SLC17A6: variants seen among roughly 807,000 people sequenced by gnomAD.
SLC17A6 encodes the protein solute carrier family 17 member 6.
In SLC17A6, 35 loss-of-function variants were observed where a neutral mutation model predicts 67.1. The ratio of observed to expected loss-of-function variants is 0.52; its 90% CI spans 0.40 to 0.69. The LOEUF is 0.69. SLC17A6 is among the 30% of genes least tolerant of loss of function. SLC17A6 has a pLI of 0.00. For missense variants in SLC17A6, 588 were observed against 723.9 expected (o/e 0.81, Z 2.15); for synonymous variants, 285 against 252.3 (o/e 1.13, Z -1.23).
At chr11:22,363,562 T>C (rs1856076083) in intron 6 of SLC17A6, among the ~76,000 whole-genome samples, 1 of 152,214 alleles carries the variant, frequency 6.6e-6, no homozygotes, top group African/African-American at 2.4e-5. Flanking sequence ...ATCTGAAATA[T>C]TAATGAAGTC....
At chr11:22,344,628 G>A (rs979282006) in intron 3 of SLC17A6, among the ~76,000 whole-genome samples, 3 of 152,096 alleles carry the variant, frequency 2.0e-5, no homozygotes, top group Non-Finnish European at 2.9e-5. Flanking sequence ...CTGACACTAA[G>A]AGCAAGTAGT....
In SLC17A6 at chr11:22,341,535, GAGA is replaced by G; in HGVS notation, c.100_102del (p.Lys34del). ...CCCTGCTCTGCCGCGCAGGGTGCTG[GAGA>G]AGAAGCAAGACACCGGGGAGACAAT... On this transcript the variant is annotated inframe_deletion, in exon 2 of 12. Coordinates refer to ENST00000263160, the MANE Select transcript of SLC17A6 (RefSeq NM_020346.3). The G allele has an allele frequency of 6.2e-7, 1 of 1,613,552 alleles. No individual in the cohort carries two copies. Among genetic ancestry groups the G allele is most frequent in the Non-Finnish European group, 8.5e-7 (1 of 1,179,968 alleles).
Position 22,363,232 on chromosome 11 carries a change from G to A in SLC17A6, c.748+407G>A, listed in dbSNP as rs575329858. 5.5e-5 allele frequency among the ~76,000 whole-genome samples: 8 copies of A among 146,784 alleles called. 1 individual carries two copies. Among genetic ancestry groups the A allele is most frequent in the Admixed American group, 5.4e-4 (8 of 14,722 alleles). ...ATTGAATGGGGGTGGAAAGCTGAAAGGGGGGGTGGAAAGCTGAAAGGGGGT... is the reference window on the plus strand; with the variant it reads ...ATTGAATGGGGGTGGAAAGCTGAAAAGGGGGGTGGAAAGCTGAAAGGGGGT... On this transcript the variant is annotated intron_variant, in intron 6 of 11. Coordinates refer to ENST00000263160, the MANE Select transcript of SLC17A6 (RefSeq NM_020346.3).
rs201427124 is a variant in SLC17A6, at chr11:22,360,887, C to G, written c.574-10C>G. The G allele has an allele frequency of 1.2e-6, 2 of 1,612,546 alleles. No homozygotes were observed. Among genetic ancestry groups the G allele is most frequent in the Non-Finnish European group, 1.7e-6 (2 of 1,178,732 alleles). ...ATGGTGACAGTGATGAGTATCTTCCCCCATCACAGGGTGTGACCTACCCAG... is the reference window on the plus strand; with the variant it reads ...ATGGTGACAGTGATGAGTATCTTCCGCCATCACAGGGTGTGACCTACCCAG... On this transcript the variant is annotated splice_polypyrimidine_tract_variant and intron_variant, in intron 4 of 11. Transcript: ENST00000263160.
chr11:22,350,311 A>G (rs1165533002), intron 3 of SLC17A6, among the ~76,000 whole-genome samples: 2 of 152,186 alleles, frequency 1.3e-5, no homozygotes, highest in African/African-American at 4.8e-5. Context: ...CAATGTGCAT[A>G]AAATAATGAC....
At chr11:22,343,811 G>A (rs1855846282) in intron 3 of SLC17A6, among the ~76,000 whole-genome samples, 1 of 152,140 alleles carries the variant, frequency 6.6e-6, no homozygotes, top group Non-Finnish European at 1.5e-5. Context: ...CGAAGACCTG[G>A]CCCCGTCCCC....
At chr11:22,357,438 A>G (rs906236432) in intron 3 of SLC17A6, among the ~76,000 whole-genome samples, 1 of 152,196 alleles carries the variant, frequency 6.6e-6, no homozygotes, top group African/African-American at 2.4e-5. Context: ...TACTGAAGAC[A>G]TTTTTGGTTG....
chr11:22,343,351 G>A lies in SLC17A6; in HGVS notation c.444G>A (p.Arg148=). 6.2e-7 allele frequency: 1 copy of A among 1,610,806 alleles called. No homozygotes were observed. Among genetic ancestry groups the A allele is most frequent in the African/African-American group, 1.3e-5 (1 of 74,758 alleles). The part of the protein sequence containing the change: ...TQIPGGYIAS[R]LAANRVFGAA... Reference sequence around the variant, plus strand: ...TTCCGGGAGGCTACATCGCGTCTCGGCTGGCAGCCAACAGGTAATGCGCCA... The same window carrying A: ...TTCCGGGAGGCTACATCGCGTCTCGACTGGCAGCCAACAGGTAATGCGCCA... The change falls in exon 3 of 12, where the codon CGG becomes CGA. Residue 148 remains arginine, a synonymous_variant. Coordinates refer to ENST00000263160, the MANE Select transcript of SLC17A6 (RefSeq NM_020346.3).
rs923909742 is a variant in SLC17A6, at chr11:22,378,269, A to G, written c.*529A>G. On this transcript the variant is annotated 3_prime_UTR_variant, in exon 12 of 12. Transcript: ENST00000263160. ...TACAAAGTTGTACTGAATAACTATT[A>G]GAATTGCATAATGTGAGATATTTTG... 6.5e-6 allele frequency: 1 copy of G among 153,330 alleles called. No individual in the cohort carries two copies. The highest frequency in any genetic ancestry group is 2.4e-5 in the African/African-American group (1 of 41,506). The allele number at this position is 153,330 out of a possible 1,614,324, so 9.5% of individuals were successfully genotyped here.
chr11:22,350,410 A>T (rs1855925093), intron 3 of SLC17A6, among the ~76,000 whole-genome samples: 1 of 152,184 alleles, frequency 6.6e-6, no homozygotes, highest in African/African-American at 2.4e-5. Flanking sequence ...TAACCTGATA[A>T]TAATCAGCAA....
Position 22,341,760 on chromosome 11 carries a change from G to T in SLC17A6, c.319G>T (p.Gly107Trp). 1.2e-6 allele frequency: 2 copies of T among 1,614,150 alleles called. No individual in the cohort carries two copies. Among genetic ancestry groups the T allele is most frequent in the Non-Finnish European group, 8.5e-7 (1 of 1,180,030 alleles). ...DMVNNSTIHR[G>W]GKVIKEKAKF... ...GGTCAACAACAGCACCATCCACCGC[G>T]GGGGCAAGGTCATCAAGGAGGTGGG... Residue 107 changes from glycine (G) to tryptophan (W), a missense_variant, in exon 2 of 12, where the codon GGG becomes TGG. Coordinates refer to ENST00000263160, the MANE Select transcript of SLC17A6 (RefSeq NM_020346.3).
At chr11:22,360,574 A>G (rs541300089) in intron 4 of SLC17A6, among the ~76,000 whole-genome samples, 8 of 144,628 alleles carry the variant, frequency 5.5e-5, no homozygotes, top group African/African-American at 1.7e-4. Context: ...GAAAAAGACT[A>G]ATAATTTTAA....
intron 3 of SLC17A6, among the ~76,000 whole-genome samples, chr11:22,352,008 C>G (rs1427591220): frequency 4.6e-5 from 7 of 152,062 alleles, no homozygotes; most frequent in Admixed American, 1.3e-4. Context: ...AATGATGAAA[C>G]AAGCATAATA....
rs558163180 is a variant in SLC17A6 at position 22,362,027 on chromosome 11, CT to C, written c.662-701del. 2.2e-3 allele frequency among the ~76,000 whole-genome samples: 318 copies of C among 145,350 alleles called. 2 individuals carry two copies. The highest frequency in any genetic ancestry group is 0.012 in the East Asian group (61 of 4,986). ...CCATTTCTGTCTATATGTCTAAGAC[CT>C]TTTTTTTTTTACAATTGCCTTTAAT... On this transcript the variant is annotated intron_variant, in intron 5 of 11. Transcript: ENST00000263160.
chr11:22,343,495 G>C (rs1375437132), intron 3 of SLC17A6, 130 bp downstream of exon 3: 4 of 675,736 alleles, frequency 5.9e-6, no homozygotes, highest in Non-Finnish European at 9.8e-6. Flanking sequence ...CTAGTCCCTT[G>C]ACACACCCTC....
At chr11:22,355,971 C>A (rs182948600) in intron 3 of SLC17A6, among the ~76,000 whole-genome samples, 1 of 152,344 alleles carries the variant, frequency 6.6e-6, no homozygotes, top group Admixed American at 6.5e-5. Flanking sequence ...CCCTCTCCTA[C>A]TACACTGAGG....
chr11:22,339,166 TTATATATATATGTTTTA>T lies in SLC17A6; in HGVS notation c.86+559_86+575del, dbSNP rs1564976537. Among the ~76,000 whole-genome samples the T allele has an allele frequency of 2.5e-4, 12 of 48,938 alleles. No individual in the cohort carries two copies. In the East Asian group the frequency reaches 5.0e-3, roughly 20 times the overall value. The allele number at this position is 48,938 out of a possible 152,430, so 32.1% of individuals were successfully genotyped here. A position where few individuals can be genotyped will look rare whatever the true frequency, so the allele number is the denominator to read the frequency against. Reference sequence around the variant, plus strand: ...TGTTATATATAGTTATATATATATGTTATATATATATGTTTTATATATATATATATATATATATGTTA... The same window carrying T: ...TGTTATATATAGTTATATATATATGTTATATATATATATATATATATGTTA... On this transcript the variant is annotated intron_variant, in intron 1 of 11. Coordinates refer to ENST00000263160, the MANE Select transcript of SLC17A6 (RefSeq NM_020346.3).
intron 6 of SLC17A6, 59 bp from the exon 7 acceptor site, chr11:22,365,488 A>C: frequency 1.9e-6 from 3 of 1,571,546 alleles, no homozygotes; most frequent in Non-Finnish European, 2.6e-6. Flanking sequence ...TTGCAGTTTT[A>C]TTGCAGCACA....
rs965030809 is a variant in SLC17A6 at position 22,378,888 on chromosome 11, C to T, written c.*1148C>T. The T allele has an allele frequency of 4.6e-5, 7 of 152,168 alleles. No individual in the cohort carries two copies. The highest frequency in any genetic ancestry group is 3.9e-4 in the Admixed American group (6 of 15,250). 9.4% of individuals were successfully genotyped at this position (152,168 alleles called of 1,614,324 possible). ...TCTTATACATGTCCATACACAGAAA[C>T]ATAATAAACAATCTTCACACGAAAC... On this transcript the variant is annotated 3_prime_UTR_variant, in exon 12 of 12. Transcript: ENST00000263160.
Sources: gnomAD v4.1 joint callset for allele counts (sites outside exome capture counted in the v4.1 genomes callset) on GRCh38, gnomAD v4.1.1 for gene constraint, MANE v1.5 for transcripts, NCBI Gene and HGNC (gene_info 2026-07-23, HGNC 2026-07-21) for gene names.